The following CLSTN2 variants were observed in gnomAD, a reference collection of about 807,000 sequenced individuals.
The protein encoded by CLSTN2 is calsyntenin-2.
A neutral mutation model predicts 101.2 loss-of-function variants in CLSTN2; 48 were observed. The observed-to-expected ratio is 0.47, with a 90% CI of 0.38 to 0.60. The LOEUF is 0.60. Among genes scored for constraint, CLSTN2 ranks in the 20% least tolerant of loss-of-function variants. CLSTN2 has a pLI of 0.00. For synonymous variants in CLSTN2, 481 were observed against 463.6 expected, an observed-to-expected ratio of 1.04 and a Z score of -0.48; for missense variants, 1,160 against 1,238.2, an observed-to-expected ratio of 0.94 and a Z score of 0.95.
intron 8 of CLSTN2, 147 bp from the exon 9 acceptor site, chr3:140,532,177 T>C: frequency 2.0e-6 from 1 of 492,078 alleles, no homozygotes; most frequent in South Asian, 4.9e-5. Flanking sequence ...ATAACTTCAG[T>C]GTATGTCAAC....
intron 2 of CLSTN2, among the ~76,000 whole-genome samples, chr3:140,190,137 G>T: frequency 6.6e-6 from 1 of 152,062 alleles, no homozygotes; most frequent in East Asian, 1.9e-4. Flanking sequence ...CCTCCCAAAG[G>T]CCCCACCTCC....
intron 1 of CLSTN2, among the ~76,000 whole-genome samples, chr3:140,149,340 C>CA (rs2009827326): frequency 6.6e-6 from 1 of 152,136 alleles, no homozygotes; most frequent in Admixed American, 6.5e-5. Context: ...ACCGTTTGGT[C>CA]CAAAGAAACT....
At chr3:140,030,477 C>G (rs1357099149) in intron 1 of CLSTN2, among the ~76,000 whole-genome samples, 2 of 152,128 alleles carry the variant, frequency 1.3e-5, no homozygotes, top group East Asian at 3.9e-4. Flanking sequence ...CCTGCAGCCT[C>G]CATTTCCCTT....
intron 1 of CLSTN2, among the ~76,000 whole-genome samples, chr3:140,158,907 A>T (rs1017395796): frequency 6.6e-6 from 1 of 152,120 alleles, no homozygotes; most frequent in African/African-American, 2.4e-5. Flanking sequence ...TCAGCAAAAT[A>T]GTCAAAGATA....
chr3:140,106,987 AT>A (rs1371482648), intron 1 of CLSTN2, among the ~76,000 whole-genome samples: 1 of 152,170 alleles, frequency 6.6e-6, no homozygotes, highest in African/African-American at 2.4e-5. Flanking sequence ...TGACATGACA[AT>A]TTGTCCTTTT....
At chr3:140,466,074 C>A (rs1007933951) in intron 7 of CLSTN2, among the ~76,000 whole-genome samples, 3 of 152,146 alleles carry the variant, frequency 2.0e-5, no homozygotes, top group Admixed American at 6.5e-5. Context: ...GGAAAATCAA[C>A]CTCTCCCCTC....
At chr3:140,455,790 T>C (rs1226928019) in intron 6 of CLSTN2, among the ~76,000 whole-genome samples, 1 of 152,156 alleles carries the variant, frequency 6.6e-6, no homozygotes, top group Non-Finnish European at 1.5e-5. Context: ...AGAAAGTAAA[T>C]CTTCTCAGTT....
At chr3:140,511,820 A>G (rs987239280) in intron 8 of CLSTN2, among the ~76,000 whole-genome samples, 3 of 151,566 alleles carry the variant, frequency 2.0e-5, no homozygotes, top group South Asian at 4.2e-4. Flanking sequence ...GGACTTTTTA[A>G]TATTAGCCAT....
intron 2 of CLSTN2, among the ~76,000 whole-genome samples, chr3:140,261,366 C>T (rs966301845): frequency 6.6e-6 from 1 of 152,074 alleles, no homozygotes; most frequent in Non-Finnish European, 1.5e-5. Context: ...ACAGCTATGG[C>T]CATGGGAGAC....
intron 1 of CLSTN2, among the ~76,000 whole-genome samples, chr3:140,146,229 A>G (rs1037545590): frequency 6.6e-6 from 1 of 152,274 alleles, no homozygotes; most frequent in Non-Finnish European, 1.5e-5. Context: ...TCAACTAAGC[A>G]TATAATAACT....
At chr3:140,036,609 C>T (rs114489624) in intron 1 of CLSTN2, among the ~76,000 whole-genome samples, 1,561 of 152,224 alleles carry the variant, frequency 0.01, 26 homozygotes, top group African/African-American at 0.034. Flanking sequence ...TAAGATTCTG[C>T]TTTCCTTCAC....
intron 2 of CLSTN2, among the ~76,000 whole-genome samples, chr3:140,326,976 T>C (rs372349175): frequency 1.3e-5 from 2 of 151,912 alleles, no homozygotes; most frequent in East Asian, 3.9e-4. Context: ...GAAGAATAAC[T>C]GAAAAAAAGC....
chr3:140,537,445 T>C (rs922091100), intron 9 of CLSTN2, among the ~76,000 whole-genome samples: 2 of 152,184 alleles, frequency 1.3e-5, no homozygotes, highest in African/African-American at 4.8e-5. Flanking sequence ...CTACAGCATG[T>C]GGCATCTCTC....
rs573012877 is a variant in CLSTN2, at chr3:140,499,972, C to T, written c.1345-32352C>T. The stretch of plus-strand genomic sequence containing the variant: ...GTCCCAGCTACTCAGAAGGCTGAGG[C>T]GGGAGAATGGTGTGAACCTGGGAGG... On this transcript the variant is annotated intron_variant, in intron 8 of 16. Transcript: ENST00000458420. Among the ~76,000 whole-genome samples the T allele has an allele frequency of 4.6e-5, 7 of 151,720 alleles. No individual in the cohort carries two copies. The East Asian group carries it at 1.4e-3, about 30-fold the overall frequency.
At chr3:140,421,042 G>A in intron 4 of CLSTN2, 83 bp from the exon 5 acceptor site, 1 of 1,364,218 alleles carries the variant, frequency 7.3e-7, no homozygotes, top group Non-Finnish European at 1.0e-6. Context: ...CTGTGAAGGT[G>A]GGTGGAGTGG....
intron 8 of CLSTN2, among the ~76,000 whole-genome samples, chr3:140,489,434 T>G (rs2107756288): frequency 6.6e-6 from 1 of 152,136 alleles, no homozygotes; most frequent in East Asian, 1.9e-4. Flanking sequence ...TGGCAGTGAG[T>G]GAGGCTCAAT....
intron 4 of CLSTN2, among the ~76,000 whole-genome samples, chr3:140,420,800 A>G (rs1294349298): frequency 6.6e-6 from 1 of 152,212 alleles, no homozygotes; most frequent in African/African-American, 2.4e-5. Flanking sequence ...ACACAATCAC[A>G]CGGCTGTACT....
intron 6 of CLSTN2, among the ~76,000 whole-genome samples, chr3:140,457,560 T>A (rs1037698678): frequency 2.0e-5 from 3 of 152,220 alleles, no homozygotes; most frequent in Non-Finnish European, 4.4e-5. Context: ...GCAAAGATTT[T>A]ATTGGCAATT....
intron 1 of CLSTN2, among the ~76,000 whole-genome samples, chr3:140,091,720 A>G (rs941999571): frequency 1.3e-5 from 2 of 152,176 alleles, no homozygotes; most frequent in African/African-American, 4.8e-5. Flanking sequence ...CAAAGCCTCA[A>G]ACAAACACAG....
Sources: gnomAD v4.1 joint callset for allele counts (sites outside exome capture counted in the v4.1 genomes callset) on GRCh38, gnomAD v4.1.1 for gene constraint, MANE v1.5 for transcripts, NCBI Gene and HGNC (gene_info 2026-07-23, HGNC 2026-07-21) for gene names.